The following KIAA0825 variants were observed in gnomAD, a reference collection of about 807,000 sequenced individuals.
The protein encoded by KIAA0825 is uncharacterized protein KIAA0825.
A neutral mutation model predicts 147.6 loss-of-function variants in KIAA0825; 119 were observed. The observed-to-expected ratio is 0.81, with a 90% CI of 0.69 to 0.94. KIAA0825 has a LOEUF of 0.94. KIAA0825 is among the 40% of genes least tolerant of loss of function. The pLI is 0.00. For missense variants in KIAA0825, 1,381 were observed against 1,472.7 expected (o/e 0.94, Z 1.02); for synonymous variants, 470 against 518.1 (o/e 0.91, Z 1.26).
At position 94,582,424 on chromosome 5, in the gene KIAA0825, A is replaced by T. The variant is rs1782371636; in HGVS notation, c.-2+9T>A. 6.6e-6 allele frequency: 1 copy of T among 152,180 alleles called. No homozygotes were observed. Among genetic ancestry groups the T allele is most frequent in the South Asian group, 2.1e-4 (1 of 4,830 alleles). 9.4% of individuals were successfully genotyped at this position (152,180 alleles called of 1,614,324 possible). ...AATTACTCAAAATATGAAGAAAAAC[A>T]TTTCTTACCTAATTTTATTTCAGAA... On this transcript the variant is annotated intron_variant, in intron 2 of 20. Coordinates refer to ENST00000682413, the MANE Select transcript of KIAA0825 (RefSeq NM_001145678.3).
At chr5:94,419,444 A>G (rs887356648) in intron 14 of KIAA0825, among the ~76,000 whole-genome samples, 1 of 151,992 alleles carries the variant, frequency 6.6e-6, no homozygotes, top group African/African-American at 2.4e-5. Context: ...CCTTATCCTG[A>G]TTGAGGATCA....
At chr5:94,558,997 G>C (rs1218198783) in intron 2 of KIAA0825, among the ~76,000 whole-genome samples, 1 of 152,104 alleles carries the variant, frequency 6.6e-6, no homozygotes, top group African/African-American at 2.4e-5. Context: ...TACATAAGTT[G>C]TTCTGTTTCC....
At chr5:94,159,342 A>G (rs1414086831) in intron 20 of KIAA0825, among the ~76,000 whole-genome samples, 1 of 152,150 alleles carries the variant, frequency 6.6e-6, no homozygotes, top group Non-Finnish European at 1.5e-5. Flanking sequence ...TATATGCAAC[A>G]TAGGGGGTGC....
At chr5:94,559,401 C>G (rs1777154380) in intron 2 of KIAA0825, among the ~76,000 whole-genome samples, 1 of 152,080 alleles carries the variant, frequency 6.6e-6, no homozygotes, top group Non-Finnish European at 1.5e-5. Context: ...ATCACACTGT[C>G]TAAGATGGAA....
At chr5:94,318,598 G>C (rs1450304674) in intron 20 of KIAA0825, among the ~76,000 whole-genome samples, 4 of 151,840 alleles carry the variant, frequency 2.6e-5, no homozygotes, top group Non-Finnish European at 5.9e-5. Context: ...AGGGGAGGTG[G>C]TACAATGGTC....
intron 6 of KIAA0825, among the ~76,000 whole-genome samples, chr5:94,478,971 A>C (rs1264707323): frequency 6.6e-6 from 1 of 152,162 alleles, no homozygotes; most frequent in Non-Finnish European, 1.5e-5. Context: ...AGTTTACAAA[A>C]AAATTGAGCA....
At chr5:94,290,469 C>CT (rs1777839996) in intron 20 of KIAA0825, among the ~76,000 whole-genome samples, 2 of 152,222 alleles carry the variant, frequency 1.3e-5, no homozygotes, top group African/African-American at 4.8e-5. Context: ...CAAACTCATC[C>CT]TTTTTTATGG....
At chr5:94,492,841 T>C (rs1288076420) in intron 5 of KIAA0825, among the ~76,000 whole-genome samples, 1 of 152,192 alleles carries the variant, frequency 6.6e-6, no homozygotes, top group African/African-American at 2.4e-5. Flanking sequence ...ATAAACTACT[T>C]TAAATATTAA....
At chr5:94,297,657 G>A (rs572033594) in intron 20 of KIAA0825, among the ~76,000 whole-genome samples, 30 of 151,960 alleles carry the variant, frequency 2.0e-4, no homozygotes, top group African/African-American at 3.9e-4. Flanking sequence ...GTGCAGTGGC[G>A]CAATCCTGGC....
At chr5:94,214,123 T>G (rs1261879280) in intron 20 of KIAA0825, among the ~76,000 whole-genome samples, 1 of 152,154 alleles carries the variant, frequency 6.6e-6, no homozygotes, top group Non-Finnish European at 1.5e-5. Context: ...CCCAAAATGC[T>G]AGGATTACAG....
At chr5:94,617,260 A>G (rs1187456553) in intron 1 of KIAA0825, among the ~76,000 whole-genome samples, 1 of 152,196 alleles carries the variant, frequency 6.6e-6, no homozygotes, top group African/African-American at 2.4e-5. Context: ...AATTTATAAT[A>G]CTTTCAACTG....
At chr5:94,467,308 A>C (rs1466168015) in intron 10 of KIAA0825, among the ~76,000 whole-genome samples, 2 of 152,176 alleles carry the variant, frequency 1.3e-5, no homozygotes, top group African/African-American at 4.8e-5. Context: ...TGTCATTTCA[A>C]AAGTATTCTG....
chr5:94,523,859 T>A, intron 4 of KIAA0825, 71 bp downstream of exon 4: 3 of 1,007,792 alleles, frequency 3.0e-6, no homozygotes, highest in Non-Finnish European at 4.3e-6. Context: ...AATATTTACG[T>A]ATAGAAATTG....
intron 1 of KIAA0825, among the ~76,000 whole-genome samples, chr5:94,607,109 C>T (rs555814636): frequency 2.0e-5 from 3 of 152,152 alleles, no homozygotes; most frequent in Admixed American, 6.6e-5. Flanking sequence ...CAAGACTATA[C>T]CTTCTTAACT....
At chr5:94,253,093 C>A (rs1169894668) in intron 20 of KIAA0825, among the ~76,000 whole-genome samples, 3 of 152,034 alleles carry the variant, frequency 2.0e-5, no homozygotes, top group Non-Finnish European at 4.4e-5. Context: ...TAAACAAAAA[C>A]AGAATACAGC....
At chr5:94,279,560 C>G (rs551208488) in intron 20 of KIAA0825, among the ~76,000 whole-genome samples, 1 of 152,082 alleles carries the variant, frequency 6.6e-6, no homozygotes, top group Admixed American at 6.6e-5. Flanking sequence ...GCCTTTCTTC[C>G]CATTCTTTTT....
chr5:94,566,235 T>A (rs546402835), intron 2 of KIAA0825, among the ~76,000 whole-genome samples: 9 of 152,136 alleles, frequency 5.9e-5, no homozygotes, highest in African/African-American at 2.2e-4. Context: ...AAGAAATATA[T>A]CTAGGAAGCA....
At chr5:94,450,102 A>G (rs1279004156) in intron 13 of KIAA0825, among the ~76,000 whole-genome samples, 1 of 152,048 alleles carries the variant, frequency 6.6e-6, no homozygotes, top group Non-Finnish European at 1.5e-5. Context: ...TTCATAATTA[A>G]TAAAATTAAA....
At chr5:94,184,186 A>G (rs181300260) in intron 20 of KIAA0825, among the ~76,000 whole-genome samples, 62 of 152,320 alleles carry the variant, frequency 4.1e-4, no homozygotes, top group Admixed American at 5.9e-4. Flanking sequence ...TGTCGCGAGT[A>G]GAGAAACGAT....
Sources: allele counts gnomAD v4.1 joint callset (sites outside exome capture counted in the v4.1 genomes callset), GRCh38; gene constraint gnomAD v4.1.1; transcripts MANE v1.5; gene names NCBI Gene and HGNC (gene_info 2026-07-23, HGNC 2026-07-21).